Variants in ZMYM2 observed in about 807,000 individuals in gnomAD.
ZMYM2 encodes the protein zinc finger MYM-type protein 2.
Under a neutral mutation model 162.8 loss-of-function variants are expected in ZMYM2, and 56 were observed. That is an observed-to-expected ratio of 0.34 (90% confidence interval 0.28 to 0.43). The LOEUF (loss-of-function observed/expected upper bound fraction) is 0.43, where lower values mean the gene tolerates loss of function less well. Ranked by LOEUF, ZMYM2 falls within the 20% of genes least tolerant of loss-of-function variation. The probability of loss-of-function intolerance (pLI) is 1.00; values close to 1 mark genes in which losing one functional copy is unlikely to be tolerated. For missense variants in ZMYM2, 1,275 were observed against 1,621.8 expected (o/e 0.79, Z 3.67); for synonymous variants, 510 against 541.6 (o/e 0.94, Z 0.81).
the ZMYM2 span, among the ~76,000 whole-genome samples, chr13:19,880,529 A>T: frequency 6.6e-6 from 1 of 152,090 alleles, no homozygotes; most frequent in Non-Finnish European, 1.5e-5. Context: ...CCTGGGTTCA[A>T]GCAATTCTTC....
At position 19,993,304 on chromosome 13, in the gene ZMYM2, G is replaced by T. The variant is rs184955917; in HGVS notation, c.232G>T (p.Asp78Tyr). ...CCCACCTTCTGTACCAGTGGTAGCT[G>T]ATCAAAGAACCATAACATTTACATC... ...PPPPSVPVVA[D>Y]QRTITFTSSK... The change falls in exon 3 of 25, where the codon GAT (aspartate) becomes TAT (tyrosine). Residue 78 changes from aspartate (D) to tyrosine (Y), a missense_variant. Physicochemically the swap from Asp to Tyr is radical, Grantham distance 160 (BLOSUM62 -3). Transcript: ENST00000610343. 2 of 1,613,784 alleles carry T rather than the reference G, an allele frequency of 1.2e-6. No individual in the cohort carries two copies. The highest frequency in any genetic ancestry group is 1.7e-6 in the Non-Finnish European group (2 of 1,179,870).
At chr13:19,963,101 A>G in intron 2 of ZMYM2, among the ~76,000 whole-genome samples, 1 of 152,046 alleles carries the variant, frequency 6.6e-6, no homozygotes, top group Non-Finnish European at 1.5e-5. Flanking sequence ...AACCTTCCAG[A>G]GTGCTGAGAT....
chr13:19,889,599 G>A, the ZMYM2 span, among the ~76,000 whole-genome samples: 1 of 151,708 alleles, frequency 6.6e-6, no homozygotes, highest in Admixed American at 6.6e-5. Flanking sequence ...CACTGTGCCC[G>A]GCCTCTTTTG....
chr13:20,077,721 T>G (rs569485053), intron 21 of ZMYM2, among the ~76,000 whole-genome samples: 1 of 152,262 alleles, frequency 6.6e-6, no homozygotes, highest in South Asian at 2.1e-4. Context: ...TGGAGAAAGC[T>G]TTGGGGTATT....
At chr13:20,075,670 CTTTTTTTTTTTTTTTTTTTTTT>C (rs56664916) in intron 21 of ZMYM2, among the ~76,000 whole-genome samples, 5 of 75,738 alleles carry the variant, frequency 6.6e-5, no homozygotes, top group African/African-American at 1.1e-4. Context: ...CTATAGACAC[CTTTTTTTTTTTTTTTTTTTTTT>C]TTTTTTTTTT....
intron 2 of ZMYM2, among the ~76,000 whole-genome samples, chr13:19,960,874 CAG>C (rs1484035200): frequency 6.6e-6 from 1 of 150,732 alleles, no homozygotes; most frequent in African/African-American, 2.4e-5. Context: ...AGATCTCTGT[CAG>C]AGTCAGAGAT....
At chr13:20,013,405 C>T (rs913005874) in intron 6 of ZMYM2, among the ~76,000 whole-genome samples, 4 of 152,062 alleles carry the variant, frequency 2.6e-5, no homozygotes, top group Non-Finnish European at 5.9e-5. Flanking sequence ...AGAGATAGTT[C>T]TACTTTTTTC....
chr13:19,907,269 A>G, the ZMYM2 span, among the ~76,000 whole-genome samples: 9 of 152,176 alleles, frequency 5.9e-5, no homozygotes, highest in Admixed American at 1.3e-4. Flanking sequence ...TGGATCAATC[A>G]TATATTCTAT....
the ZMYM2 span, among the ~76,000 whole-genome samples, chr13:19,944,095 C>T: frequency 6.6e-6 from 1 of 152,096 alleles, no homozygotes; most frequent in Non-Finnish European, 1.5e-5. Flanking sequence ...CCTCTTTTAG[C>T]TACTTCTCTT....
intron 17 of ZMYM2, among the ~76,000 whole-genome samples, chr13:20,062,353 T>A (rs1956295914): frequency 6.6e-6 from 1 of 152,222 alleles, no homozygotes; most frequent in Non-Finnish European, 1.5e-5. Context: ...TTGCAGTATG[T>A]GCTGGATAAA....
chr13:20,019,590 T>C lies in ZMYM2; in HGVS notation c.1556T>C (p.Met519Thr). 2 of 1,597,848 alleles carry C rather than the reference T, an allele frequency of 1.3e-6. No homozygotes were observed. Among genetic ancestry groups the C allele is most frequent in the Non-Finnish European group, 1.7e-6 (2 of 1,171,612 alleles). The change falls in exon 7 of 25, where the codon ATG becomes ACG. Residue 519 changes from methionine to threonine, a missense_variant. Coordinates refer to ENST00000610343, the MANE Select transcript of ZMYM2 (RefSeq NM_197968.4). ...PSFLKEVRDHMQDSFLMQPEK... is the reference protein window; with the variant it reads ...PSFLKEVRDHTQDSFLMQPEK... ...TTCCTGAAGGAGGTTCGAGATCACA[T>C]GCAGGACTCTTTCTTAATGCAGCCT...
intron 3 of ZMYM2, among the ~76,000 whole-genome samples, chr13:19,995,420 ATTTG>A (rs1217163615): frequency 6.6e-6 from 1 of 151,472 alleles, no homozygotes; most frequent in Non-Finnish European, 1.5e-5. Flanking sequence ...TTTCTTATTT[ATTTG>A]TTTATTGACA....
chr13:19,918,351 A>G, the ZMYM2 span, among the ~76,000 whole-genome samples: 1 of 151,046 alleles, frequency 6.6e-6, no homozygotes, highest in East Asian at 2.0e-4. Flanking sequence ...AAGCTGAGGC[A>G]GGAGAATCGC....
the ZMYM2 span, among the ~76,000 whole-genome samples, chr13:19,868,058 A>G: frequency 2.0e-5 from 3 of 152,360 alleles, no homozygotes; most frequent in South Asian, 2.1e-4. Context: ...AGCTTTCTCA[A>G]CAAGCAATAG....
At chr13:20,041,172 T>C (rs1245898480) in intron 12 of ZMYM2, among the ~76,000 whole-genome samples, 1 of 152,062 alleles carries the variant, frequency 6.6e-6, no homozygotes, top group Non-Finnish European at 1.5e-5. Context: ...GATACTGTTA[T>C]TGGAGCATTG....
chr13:20,004,112 C>A (rs1297409385), intron 4 of ZMYM2, among the ~76,000 whole-genome samples: 1 of 152,198 alleles, frequency 6.6e-6, no homozygotes, highest in Admixed American at 6.5e-5. Context: ...GCTTAGTGTT[C>A]TCTACATGTT....
the ZMYM2 span, among the ~76,000 whole-genome samples, chr13:19,895,410 A>G: frequency 2.0e-5 from 3 of 152,072 alleles, no homozygotes; most frequent in African/African-American, 7.3e-5. Flanking sequence ...TTCATAAAGA[A>G]AAGAAATTTA....
the ZMYM2 span, among the ~76,000 whole-genome samples, chr13:19,877,678 A>G: frequency 0.8 from 122,173 of 152,216 alleles, 50,372 homozygotes; most frequent in East Asian, 0.96. Context: ...ATTTCACTTA[A>G]TGTAATATCC....
At chr13:19,994,248 A>G (rs1039573939) in intron 3 of ZMYM2, among the ~76,000 whole-genome samples, 1 of 152,238 alleles carries the variant, frequency 6.6e-6, no homozygotes, top group Non-Finnish European at 1.5e-5. Context: ...TGGGAGGCCA[A>G]GGTGGGTGGA....
Sources: gnomAD v4.1 joint callset for allele counts (sites outside exome capture counted in the v4.1 genomes callset) on GRCh38, gnomAD v4.1.1 for gene constraint, MANE v1.5 for transcripts, NCBI Gene and HGNC (gene_info 2026-07-23, HGNC 2026-07-21) for gene names.